DNAJC11: variants seen among roughly 807,000 people sequenced by gnomAD.
DNAJC11 encodes the protein dnaJ homolog subfamily C member 11.
Under a neutral mutation model 78.6 loss-of-function variants are expected in DNAJC11, and 15 were observed. The ratio of observed to expected loss-of-function variants is 0.19; its 90% confidence interval spans 0.13 to 0.29. The LOEUF (loss-of-function observed/expected upper bound fraction) is 0.29. Among genes scored for constraint, DNAJC11 ranks in the 10% least tolerant of loss-of-function variants. The probability of loss-of-function intolerance (pLI) is 1.00; values close to 1 mark genes in which losing one functional copy is unlikely to be tolerated. For missense variants in DNAJC11, 547 were observed against 709.6 expected (o/e 0.77, Z 2.60); for synonymous variants, 292 against 272.1 (o/e 1.07, Z -0.72).
chr1:6,651,180 T>C (rs771676901), intron 7 of DNAJC11: 1 of 558,436 alleles, frequency 1.8e-6, no homozygotes, highest in Non-Finnish European at 3.6e-6. Flanking sequence ...TCTGTCATTC[T>C]CTGGGACAAT....
intron 10 of DNAJC11, among the ~76,000 whole-genome samples, chr1:6,641,707 T>C (rs1371120947): frequency 2.0e-5 from 3 of 152,118 alleles, no homozygotes; most frequent in Non-Finnish European, 4.4e-5. Flanking sequence ...TGAGGAGAGA[T>C]GGCTGACGCC....
chr1:6,662,969 A>G (rs1314080903), intron 4 of DNAJC11, among the ~76,000 whole-genome samples: 1 of 152,156 alleles, frequency 6.6e-6, no homozygotes, highest in African/African-American at 2.4e-5. Context: ...CCATGGCTTC[A>G]TTGTTGAAGT....
rs2235564 is a variant in DNAJC11, at chr1:6,653,054, C to T, written c.508-103G>A. On this transcript the variant is annotated intron_variant, in intron 5 of 15. Coordinates refer to ENST00000377577, the MANE Select transcript of DNAJC11 (RefSeq NM_018198.4). This position sits in a 1 kb window ranked among gnomAD's most constrained non-coding sequence, Gnocchi z 4.5. ...GTGAGCCCAAGGCCAAAGGTGCAGACGATTCCTCTGTTCAGAAGCACACAT... is the reference window on the plus strand; with the variant it reads ...GTGAGCCCAAGGCCAAAGGTGCAGATGATTCCTCTGTTCAGAAGCACACAT... The T allele has an allele frequency of 0.34, 459,432 of 1,368,116 alleles. 78,867 individuals carry two copies. Among genetic ancestry groups the T allele is most frequent in the African/African-American group, 0.4 (28,108 of 69,542 alleles). The allele number at this position is 1,368,116 out of a possible 1,614,324, so 84.7% of individuals were successfully genotyped here. A position where few individuals can be genotyped will look rare whatever the true frequency, so the allele number is the denominator to read the frequency against.
At chr1:6,660,605 T>TA (rs1421657641) in intron 4 of DNAJC11, among the ~76,000 whole-genome samples, 2 of 152,206 alleles carry the variant, frequency 1.3e-5, no homozygotes, top group Admixed American at 6.6e-5. Context: ...GCACCCAAAT[T>TA]AAATTACTTT....
At position 6,636,099 on chromosome 1, in the gene DNAJC11, G is replaced by C; in HGVS notation, c.1654+18C>G. 1 of 1,610,314 alleles carries C rather than the reference G, an allele frequency of 6.2e-7. No individual in the cohort carries two copies. Among genetic ancestry groups the C allele is most frequent in the Non-Finnish European group, 8.5e-7 (1 of 1,177,838 alleles). ...CCCGCCCCCGTTAGCTGGTGACTGC[G>C]AAGGGACGGCTACTCACACTGCTTT... On this transcript the variant is annotated intron_variant, in intron 15 of 15. Transcript: ENST00000377577.
rs537732866 is a variant in DNAJC11, at chr1:6,662,576, T to C, written c.378+5133A>G. ...TAAAAACGCACCAATCAGCGCTCTG[T>C]CGCTAGAGGGTTGTAAATGTACCAA... On this transcript the variant is annotated intron_variant, in intron 4 of 15. Coordinates refer to ENST00000377577, the MANE Select transcript of DNAJC11 (RefSeq NM_018198.4). 5.9e-5 allele frequency among the ~76,000 whole-genome samples: 9 copies of C among 152,162 alleles called. No individual in the cohort carries two copies. The East Asian group carries it at 7.7e-4, about 13-fold the overall frequency.
intron 1 of DNAJC11, among the ~76,000 whole-genome samples, chr1:6,682,812 T>C (rs1456189864): frequency 6.6e-6 from 1 of 152,086 alleles, no homozygotes; most frequent in Non-Finnish European, 1.5e-5. Context: ...CCTGTGGTCC[T>C]ACCTGGAAGG....
intron 1 of DNAJC11, among the ~76,000 whole-genome samples, chr1:6,687,965 A>T (rs1249261873): frequency 6.6e-6 from 1 of 152,226 alleles, no homozygotes; most frequent in Non-Finnish European, 1.5e-5. Context: ...TGACAAAAAC[A>T]AAACAAAACA....
chr1:6,700,735 A>G (rs1348641275), intron 1 of DNAJC11, among the ~76,000 whole-genome samples: 1 of 152,212 alleles, frequency 6.6e-6, no homozygotes, highest in African/African-American at 2.4e-5. Context: ...ACATAGACTA[A>G]TATTTACTGA....
At chr1:6,655,429 C>T (rs531756386) in intron 4 of DNAJC11, among the ~76,000 whole-genome samples, 29 of 152,254 alleles carry the variant, frequency 1.9e-4, no homozygotes, top group Non-Finnish European at 3.5e-4. Flanking sequence ...GTTGTAGTTG[C>T]CAAAATTTAC....
At chr1:6,643,520 C>T (rs1377119515) in intron 10 of DNAJC11, among the ~76,000 whole-genome samples, 1 of 151,824 alleles carries the variant, frequency 6.6e-6, no homozygotes, top group Non-Finnish European at 1.5e-5. Flanking sequence ...CGTGATCTGC[C>T]CGCCTTGGCC....
In DNAJC11 at chr1:6,652,967, G is replaced by A. The variant is rs756109797; in HGVS notation, c.508-16C>T. 12 of 1,613,914 alleles carry A rather than the reference G, an allele frequency of 7.4e-6. No individual in the cohort carries two copies. The South Asian group carries it at 1.3e-4, about 18-fold the overall frequency. On this transcript the variant is annotated splice_polypyrimidine_tract_variant and intron_variant, in intron 5 of 15. Transcript: ENST00000377577. ...TCAAGGGTGCCTAAAAATGGTATTT[G>A]CTGGTAATGAATGAATCAAAACAAC...
intron 2 of DNAJC11, 53 bp from the exon 3 acceptor site, chr1:6,678,520 C>T (rs1465270829): frequency 1.4e-6 from 2 of 1,454,820 alleles, no homozygotes; most frequent in East Asian, 4.6e-5. Context: ...ACCTTCAGTC[C>T]TTCCTGAGAA....
Position 6,645,979 on chromosome 1 carries a change from C to T in DNAJC11, c.705-1G>A, listed in dbSNP as rs1335267928. The T allele has an allele frequency of 6.2e-7, 1 of 1,613,788 alleles. No homozygotes were observed. Among genetic ancestry groups the T allele is most frequent in the Non-Finnish European group, 8.5e-7 (1 of 1,179,856 alleles). On this transcript the variant is annotated splice_acceptor_variant, in intron 7 of 15. Transcript: ENST00000377577. LOFTEE classifies it high-confidence loss of function. The surrounding 1 kb of genome is among the most constrained non-coding windows in gnomAD (Gnocchi z 4.1). ...CAGAGCACAGTTTGTTGTCACAAAG[C>T]TGGAGAGACACAGAGACAGAATAGG...
At chr1:6,665,707 C>A (rs890041730) in intron 4 of DNAJC11, among the ~76,000 whole-genome samples, 1 of 152,180 alleles carries the variant, frequency 6.6e-6, no homozygotes, top group Non-Finnish European at 1.5e-5. Flanking sequence ...AACTGCCACA[C>A]ACCCCCAGAT....
chr1:6,671,075 T>C (rs535791267), intron 3 of DNAJC11, among the ~76,000 whole-genome samples: 32 of 152,320 alleles, frequency 2.1e-4, no homozygotes, highest in African/African-American at 7.0e-4. Flanking sequence ...ACAGTTTCTC[T>C]GGACTCAGTG....
intron 1 of DNAJC11, among the ~76,000 whole-genome samples, chr1:6,700,488 C>T (rs986280953): frequency 1.3e-5 from 2 of 152,182 alleles, no homozygotes; most frequent in African/African-American, 4.8e-5. Flanking sequence ...TAGCATGGAG[C>T]TCACAAGCTG....
chr1:6,651,542 G>A lies in DNAJC11; in HGVS notation c.691C>T (p.Leu231Phe). Residue 231 changes from leucine to phenylalanine, a missense_variant, in exon 7 of 16, where the codon CTC becomes TTC. Coordinates refer to ENST00000377577, the MANE Select transcript of DNAJC11 (RefSeq NM_018198.4). ...TCTCATATTTACCATCTTGGTGTGA[G>A]ATTACGGAACAGCTTGAGACCGAAC... ...PLFGLKLFRN[L>F]TPRCFVTTNC... The A allele has an allele frequency of 6.2e-7, 1 of 1,614,040 alleles. No homozygotes were observed. The highest frequency in any genetic ancestry group is 8.5e-7 in the Non-Finnish European group (1 of 1,179,924).
chr1:6,634,537 CT>C lies in DNAJC11; in HGVS notation c.*1137del. On this transcript the variant is annotated 3_prime_UTR_variant, in exon 16 of 16. Coordinates refer to ENST00000377577, the MANE Select transcript of DNAJC11 (RefSeq NM_018198.4). ...CCGCGCCAGCTGTCTCAGCCACCACCTGTGCGGCGCTTGCTCCGAGGGGTCA... is the reference window on the plus strand; with the variant it reads ...CCGCGCCAGCTGTCTCAGCCACCACCGTGCGGCGCTTGCTCCGAGGGGTCA... The C allele has an allele frequency of 7.3e-7, 1 of 1,363,702 alleles. No homozygotes were observed. The allele number at this position is 1,363,702 out of a possible 1,614,324, so 84.5% of individuals were successfully genotyped here. A position where few individuals can be genotyped will look rare whatever the true frequency, so the allele number is the denominator to read the frequency against.
Sources: gnomAD v4.1 joint callset for allele counts (sites outside exome capture counted in the v4.1 genomes callset) on GRCh38, gnomAD v4.1.1 for gene constraint, Gnocchi (gnomAD v3.1) non-coding constraint, MANE v1.5 for transcripts, NCBI Gene and HGNC (gene_info 2026-07-23, HGNC 2026-07-21) for gene names.